Variants in PRKD1 observed in about 807,000 individuals in gnomAD.
PRKD1 encodes serine/threonine-protein kinase D1.
Under a neutral mutation model 95.9 loss-of-function variants are expected in PRKD1, and 63 were observed. That is an observed-to-expected ratio of 0.66 (90% CI 0.54 to 0.81). PRKD1 has a LOEUF of 0.81. Among genes scored for constraint, PRKD1 ranks in the 30% least tolerant of loss-of-function variants. The probability of loss-of-function intolerance (pLI) is 0.00; values close to 1 mark genes in which losing one functional copy is unlikely to be tolerated. For missense variants in PRKD1, 1,048 were observed against 1,165.3 expected (o/e 0.90, Z 1.47); for synonymous variants, 425 against 423.1 (o/e 1.00, Z -0.05).
chr14:29,777,581 C>T (rs1289074880), intron 1 of PRKD1, among the ~76,000 whole-genome samples: 1 of 152,146 alleles, frequency 6.6e-6, no homozygotes, highest in African/African-American at 2.4e-5. Flanking sequence ...ATCAATTCAA[C>T]AAGAAGAGCT....
chr14:29,821,425 C>T (rs777450572), intron 1 of PRKD1, among the ~76,000 whole-genome samples: 6 of 152,150 alleles, frequency 3.9e-5, no homozygotes, highest in Non-Finnish European at 8.8e-5. Flanking sequence ...ATTAGTGAGG[C>T]ACTGGATGCT....
intron 1 of PRKD1, among the ~76,000 whole-genome samples, chr14:29,835,801 C>T (rs1249242929): frequency 6.6e-6 from 1 of 151,918 alleles, no homozygotes; most frequent in Non-Finnish European, 1.5e-5. Flanking sequence ...GAACTCCTGA[C>T]CTCATGATCC....
At chr14:29,808,295 C>T (rs756257857) in intron 1 of PRKD1, among the ~76,000 whole-genome samples, 33 of 138,976 alleles carry the variant, frequency 2.4e-4, no homozygotes, top group Non-Finnish European at 4.2e-4. Context: ...TTTATTTGTT[C>T]ATCCATAAGA....
chr14:29,910,231 G>A (rs1031623141), intron 1 of PRKD1, among the ~76,000 whole-genome samples: 13 of 152,048 alleles, frequency 8.5e-5, no homozygotes, highest in South Asian at 2.1e-4. Flanking sequence ...GAACAACTCC[G>A]GATGGGAGGA....
chr14:29,742,353 T>C (rs1399044927), intron 1 of PRKD1, among the ~76,000 whole-genome samples: 1 of 152,200 alleles, frequency 6.6e-6, no homozygotes, highest in Non-Finnish European at 1.5e-5. Flanking sequence ...TGACGGCCAA[T>C]AGCAGATTTT....
intron 1 of PRKD1, among the ~76,000 whole-genome samples, chr14:29,820,318 A>T (rs140763912): frequency 6.6e-6 from 1 of 152,258 alleles, no homozygotes; most frequent in Admixed American, 6.5e-5. Flanking sequence ...AAAGGAACTC[A>T]CAGGCTAAGC....
intron 1 of PRKD1, among the ~76,000 whole-genome samples, chr14:29,745,411 G>A (rs900459363): frequency 3.9e-5 from 6 of 152,224 alleles, no homozygotes; most frequent in Middle Eastern, 3.4e-3. Flanking sequence ...ATAAATGAAC[G>A]AATAAGTCAC....
At chr14:29,768,112 T>A (rs1888336299) in intron 1 of PRKD1, among the ~76,000 whole-genome samples, 1 of 152,144 alleles carries the variant, frequency 6.6e-6, no homozygotes, top group Non-Finnish European at 1.5e-5. Context: ...AACATATCAC[T>A]AGAAACCTCC....
chr14:29,754,410 A>G (rs959384689), intron 1 of PRKD1, among the ~76,000 whole-genome samples: 2 of 152,092 alleles, frequency 1.3e-5, no homozygotes, highest in African/African-American at 2.4e-5. Context: ...CCTTCTTCCA[A>G]CTTCATTACC....
chr14:29,609,426 G>C (rs1878262911), intron 13 of PRKD1, among the ~76,000 whole-genome samples: 1 of 151,260 alleles, frequency 6.6e-6, no homozygotes, highest in African/African-American at 2.4e-5. Context: ...CCCAAGTGTT[G>C]GGGAGAGGTG....
At chr14:29,843,731 T>G (rs1430509379) in intron 1 of PRKD1, among the ~76,000 whole-genome samples, 2 of 152,232 alleles carry the variant, frequency 1.3e-5, no homozygotes, top group Non-Finnish European at 2.9e-5. Flanking sequence ...GTTTCCACTC[T>G]GGTGCAGAGT....
At chr14:29,648,743 C>A (rs1881301214) in intron 4 of PRKD1, among the ~76,000 whole-genome samples, 1 of 152,110 alleles carries the variant, frequency 6.6e-6, no homozygotes, top group Admixed American at 6.5e-5. Flanking sequence ...CCAGCTCTGC[C>A]TCCTGGGTTC....
At chr14:29,777,147 C>T (rs1888800787) in intron 1 of PRKD1, among the ~76,000 whole-genome samples, 2 of 152,096 alleles carry the variant, frequency 1.3e-5, no homozygotes, top group Admixed American at 6.5e-5. Flanking sequence ...GAAGGAAGCA[C>T]TAAACATGGA....
intron 1 of PRKD1, among the ~76,000 whole-genome samples, chr14:29,882,077 C>G (rs1433681561): frequency 6.6e-6 from 1 of 152,176 alleles, no homozygotes; most frequent in Non-Finnish European, 1.5e-5. Flanking sequence ...TATATCAGAA[C>G]TCAGCTCAAT....
At chr14:29,715,484 A>G (rs964089539) in intron 2 of PRKD1, among the ~76,000 whole-genome samples, 1 of 152,144 alleles carries the variant, frequency 6.6e-6, no homozygotes, top group Admixed American at 6.6e-5. Context: ...AACTGTGCAG[A>G]CCTAGATAAA....
At chr14:29,632,755 A>G in intron 9 of PRKD1, 114 bp downstream of exon 9, 1 of 928,598 alleles carries the variant, frequency 1.1e-6, no homozygotes, top group Non-Finnish European at 1.7e-6. Flanking sequence ...TAGTTCCTGG[A>G]GGAAGCACAA....
chr14:29,763,787 T>C (rs943500924), intron 1 of PRKD1, among the ~76,000 whole-genome samples: 6 of 152,066 alleles, frequency 3.9e-5, no homozygotes, highest in African/African-American at 1.4e-4. Flanking sequence ...CTTTCTGCTC[T>C]CTCCTCCCTC....
rs561764158 is a variant in PRKD1, at chr14:29,678,938, T to C, written c.404-12730A>G. 3.3e-5 allele frequency among the ~76,000 whole-genome samples: 5 copies of C among 152,346 alleles called. No individual in the cohort carries two copies. The East Asian group carries it at 7.7e-4, about 24-fold the overall frequency. ...TACTAAAAACAGGGGACAATGTGTATACTAACTTCCAGCTTTAGGTAAGTA... is the reference window on the plus strand; with the variant it reads ...TACTAAAAACAGGGGACAATGTGTACACTAACTTCCAGCTTTAGGTAAGTA... On this transcript the variant is annotated intron_variant, in intron 2 of 17. Coordinates refer to ENST00000331968, the MANE Select transcript of PRKD1 (RefSeq NM_002742.3).
intron 6 of PRKD1, chr14:29,638,196 G>C (rs1594384725): frequency 2.9e-6 from 1 of 350,336 alleles, no homozygotes; most frequent in South Asian, 7.5e-5. Context: ...CACATTTCTG[G>C]GCAAACTAGG....
Sources: allele counts gnomAD v4.1 joint callset (sites outside exome capture counted in the v4.1 genomes callset), GRCh38; gene constraint gnomAD v4.1.1; transcripts MANE v1.5; gene names NCBI Gene and HGNC (gene_info 2026-07-23, HGNC 2026-07-21).